PODXL2: variants seen among roughly 807,000 people sequenced by gnomAD.
PODXL2 encodes the protein podocalyxin like 2.
Under a neutral mutation model 53.4 loss-of-function variants are expected in PODXL2, and 17 were observed. The observed-to-expected ratio is 0.32, with a 90% CI of 0.22 to 0.48. The LOEUF (loss-of-function observed/expected upper bound fraction) is 0.48, where lower values mean the gene tolerates loss of function less well. PODXL2 is among the 20% of genes least tolerant of loss of function. The pLI is 0.99. For synonymous variants in PODXL2, 311 were observed against 306.7 expected, an observed-to-expected ratio of 1.01 and a Z score of -0.15; for missense variants, 673 against 760.0, an observed-to-expected ratio of 0.89 and a Z score of 1.35.
rs1180214536 is a variant in PODXL2, at chr3:127,629,613, GGTGTGCATGTGTGTGCGTGTGCTTGTGT to G, written c.70+331_70+358del. ...CGGGCCGGGGGGGCGCGCACGTGTG[GGTGTGCATGTGTGTGCGTGTGCTTGTGT>G]GTGTGCGAGTGCATTGTGTGCCTGC... is the stretch of plus-strand genomic sequence containing the variant. On this transcript the variant is annotated intron_variant, in intron 1 of 7. Transcript: ENST00000342480. The surrounding 1 kb of genome is among the most constrained non-coding windows in gnomAD (Gnocchi z 6.4). Among the ~76,000 whole-genome samples, 2 of 151,942 alleles carry G rather than the reference GGTGTGCATGTGTGTGCGTGTGCTTGTGT, an allele frequency of 1.3e-5. No homozygotes were observed. Among genetic ancestry groups the G allele is most frequent in the African/African-American group, 4.8e-5 (2 of 41,368 alleles).
chr3:127,640,915 AT>A (rs1488764359), intron 2 of PODXL2, among the ~76,000 whole-genome samples: 1 of 151,944 alleles, frequency 6.6e-6, no homozygotes, highest in Non-Finnish European at 1.5e-5. Context: ...ACATGTTATT[AT>A]TTATTTATTT....
chr3:127,655,082 A>G (rs2074713590), intron 2 of PODXL2, among the ~76,000 whole-genome samples: 1 of 152,090 alleles, frequency 6.6e-6, no homozygotes, highest in African/African-American at 2.4e-5. Context: ...AGCTGGGATT[A>G]CAGGCACCTA....
intron 1 of PODXL2, among the ~76,000 whole-genome samples, chr3:127,637,784 C>G (rs1444110195): frequency 6.6e-6 from 1 of 152,206 alleles, no homozygotes; most frequent in Non-Finnish European, 1.5e-5. Flanking sequence ...TGTGAGTTGT[C>G]TGGCTGCTGC....
rs1305377507 is a variant in PODXL2, at chr3:127,671,574, C to T, written c.1566C>T (p.Tyr522=). 6.2e-7 allele frequency: 1 copy of T among 1,614,072 alleles called. No homozygotes were observed. Among genetic ancestry groups the T allele is most frequent in the Non-Finnish European group, 8.5e-7 (1 of 1,180,016 alleles). The change falls in exon 7 of 8, where the codon TAC becomes TAT. Residue 522 remains tyrosine, a synonymous_variant. Coordinates refer to ENST00000342480, the MANE Select transcript of PODXL2 (RefSeq NM_015720.4). ...CIIIIALGLL[Y]NCWQRRLPKL... Reference sequence around the variant, plus strand: ...TCATCATTGCGCTTGGCCTGCTCTACAACTGCTGGCAGCGCCGGCTGCCCA... The same window carrying T: ...TCATCATTGCGCTTGGCCTGCTCTATAACTGCTGGCAGCGCCGGCTGCCCA...
intron 1 of PODXL2, among the ~76,000 whole-genome samples, chr3:127,633,767 A>G (rs939477063): frequency 1.3e-5 from 2 of 151,978 alleles, no homozygotes; most frequent in Non-Finnish European, 2.9e-5. Flanking sequence ...GCGTGACAGT[A>G]GTTTGTTGAG....
chr3:127,666,968 C>T (rs1421865769), intron 4 of PODXL2, among the ~76,000 whole-genome samples: 1 of 152,230 alleles, frequency 6.6e-6, no homozygotes, highest in African/African-American at 2.4e-5. Flanking sequence ...AACCAGGGGT[C>T]TGTGGGTCAT....
chr3:127,639,664 C>T (rs1576427249), intron 2 of PODXL2, 141 bp downstream of exon 2: 2 of 807,788 alleles, frequency 2.5e-6, no homozygotes, highest in East Asian at 5.1e-5. Context: ...ACCTGCACAT[C>T]AGAGCAAAGG....
chr3:127,632,192 C>A (rs964985516), intron 1 of PODXL2, among the ~76,000 whole-genome samples: 15 of 152,228 alleles, frequency 9.9e-5, no homozygotes, highest in Admixed American at 7.2e-4. Context: ...GGCACAATGA[C>A]CTGGAGAGGG....
chr3:127,650,116 TGA>T (rs1444352023), intron 2 of PODXL2, among the ~76,000 whole-genome samples: 1 of 152,200 alleles, frequency 6.6e-6, no homozygotes, highest in African/African-American at 2.4e-5. Context: ...ACATTTAAAG[TGA>T]TCTTTCAAGG....
chr3:127,635,576 A>T (rs1399792644), intron 1 of PODXL2, among the ~76,000 whole-genome samples: 2 of 152,166 alleles, frequency 1.3e-5, no homozygotes, highest in African/African-American at 4.8e-5. Flanking sequence ...AATCACCCCA[A>T]AATTTAGTGG....
Position 127,662,226 on chromosome 3 carries a change from T to G in PODXL2, c.1132-11T>G, listed in dbSNP as rs771663899. ...CGTAACTGTCGCCCTTCTTTCTGTC[T>G]CCTCGCACAGGTGATCTGCAAGGAC... On this transcript the variant is annotated splice_polypyrimidine_tract_variant and intron_variant, in intron 3 of 7. Coordinates refer to ENST00000342480, the MANE Select transcript of PODXL2 (RefSeq NM_015720.4). 1 of 1,612,580 alleles carries G rather than the reference T, an allele frequency of 6.2e-7. No homozygotes were observed. Among genetic ancestry groups the G allele is most frequent in the Non-Finnish European group, 8.5e-7 (1 of 1,178,612 alleles).
intron 6 of PODXL2, 99 bp downstream of exon 6, chr3:127,669,301 A>G: frequency 1.2e-6 from 1 of 827,750 alleles, no homozygotes; most frequent in East Asian, 2.7e-5. Flanking sequence ...TGAGGTTCAA[A>G]GGAGTATAAG....
At chr3:127,638,801 G>T (rs2074595144) in intron 1 of PODXL2, among the ~76,000 whole-genome samples, 1 of 152,196 alleles carries the variant, frequency 6.6e-6, no homozygotes, top group African/African-American at 2.4e-5. Context: ...TGCAGTTTTG[G>T]AGAAATTTCA....
chr3:127,649,127 A>C (rs2074673818), intron 2 of PODXL2, among the ~76,000 whole-genome samples: 1 of 151,896 alleles, frequency 6.6e-6, no homozygotes, highest in Non-Finnish European at 1.5e-5. Context: ...TATAGGACAT[A>C]TATAAAAATA....
intron 7 of PODXL2, 69 bp from the exon 8 acceptor site, chr3:127,672,199 A>G: frequency 3.7e-6 from 5 of 1,363,372 alleles, no homozygotes; most frequent in Non-Finnish European, 5.0e-6. Context: ...GGTTGCACAG[A>G]CGGCCGCGGG....
chr3:127,669,146 G>T lies in PODXL2; in HGVS notation c.1369G>T (p.Val457Leu), dbSNP rs200588213. The T allele has an allele frequency of 3.1e-6, 5 of 1,603,936 alleles. No homozygotes were observed. In the South Asian group the frequency reaches 4.5e-5, roughly 14 times the overall value. The change falls in exon 6 of 8, where the codon GTG becomes TTG. Residue 457 changes from valine to leucine, a missense_variant. This residue lies in a region of PODXL2 where 588 missense variants were observed against 668.3 expected (regional missense o/e 0.88). Coordinates refer to ENST00000342480, the MANE Select transcript of PODXL2 (RefSeq NM_015720.4). ...LMTLVGEQGV[V>L]PTQDVLSMLG... is the part of the protein sequence containing the mutation. ...TGGTGTTTCTTACCCCCCAGGGGTG[G>T]TGCCCACTCAAGATGTCCTTTCCAT...
Position 127,672,361 on chromosome 3 carries a change from A to C in PODXL2, c.1699A>C (p.Lys567Gln). The C allele has an allele frequency of 6.5e-7, 1 of 1,549,600 alleles. No homozygotes were observed. Reference sequence around the variant, plus strand: ...CGACAGCCAGTCGGAGATGCAGGAGAAGCACCCCAGCCTGAACGGCGGCGG... The same window carrying C: ...CGACAGCCAGTCGGAGATGCAGGAGCAGCACCCCAGCCTGAACGGCGGCGG... ...ASDSQSEMQE[K>Q]HPSLNGGGAL... Residue 567 changes from lysine (K) to glutamine (Q), a missense_variant, in exon 8 of 8, where the codon AAG becomes CAG. This residue lies in a region of PODXL2 where 79 missense variants were observed against 70.5 expected (regional missense o/e 1.12). Transcript: ENST00000342480.
In PODXL2 at chr3:127,671,601, G is replaced by T; in HGVS notation, c.1593G>T (p.Lys531Asn). 1 of 1,613,490 alleles carries T rather than the reference G, an allele frequency of 6.2e-7. No individual in the cohort carries two copies. The highest frequency in any genetic ancestry group is 8.5e-7 in the Non-Finnish European group (1 of 1,180,006). Reference protein sequence around the residue: ...LYNCWQRRLPKLKHVSHGEEL... With the variant: ...LYNCWQRRLPNLKHVSHGEEL... Reference sequence around the variant, plus strand: ...ACTGCTGGCAGCGCCGGCTGCCCAAGCTCAAGCACGTGGTGAGTGTGGGGA... The same window carrying T: ...ACTGCTGGCAGCGCCGGCTGCCCAATCTCAAGCACGTGGTGAGTGTGGGGA... Residue 531 changes from lysine to asparagine, a missense_variant, in exon 7 of 8, where the codon AAG becomes AAT. Around this residue, in one of 3 missense-constraint regions of PODXL2, gnomAD observed 588 missense variants for 668.3 expected, o/e 0.88. Transcript: ENST00000342480.
At position 127,661,265 on chromosome 3, in the gene PODXL2, G is replaced by C; in HGVS notation, c.1131+106G>C. ...GGCAGGATCTGCCAGGTTGAGGAGGGAGGCCCTTTCCACAGCACGTAGAAC... is the reference window on the plus strand; with the variant it reads ...GGCAGGATCTGCCAGGTTGAGGAGGCAGGCCCTTTCCACAGCACGTAGAAC... On this transcript the variant is annotated intron_variant, in intron 3 of 7. Transcript: ENST00000342480. 7 of 835,364 alleles carry C rather than the reference G, an allele frequency of 8.4e-6. No individual in the cohort carries two copies. The South Asian group carries it at 1.2e-4, about 14-fold the overall frequency. The allele number at this position is 835,364 out of a possible 1,614,324, so 51.7% of individuals were successfully genotyped here. A position where few individuals can be genotyped will look rare whatever the true frequency, so the allele number is the denominator to read the frequency against.
Sources: allele counts gnomAD v4.1 joint callset (sites outside exome capture counted in the v4.1 genomes callset), GRCh38; gene constraint gnomAD v4.1.1; regional missense constraint gnomAD v4.1.1; non-coding constraint Gnocchi (gnomAD v3.1); transcripts MANE v1.5; gene names NCBI Gene and HGNC (gene_info 2026-07-23, HGNC 2026-07-21).